The following LRCH4 variants were observed in gnomAD, a reference collection of about 807,000 sequenced individuals.
LRCH4 encodes the protein leucine-rich repeat and calponin homology domain-containing protein 4.
In LRCH4, 56 loss-of-function variants were observed where a neutral mutation model predicts 81.2. The ratio of observed to expected loss-of-function variants is 0.69; its 90% CI spans 0.56 to 0.86. The LOEUF is 0.86. LRCH4 is among the 40% of genes least tolerant of loss of function. The pLI is 0.00. For synonymous variants in LRCH4, 442 were observed against 409.7 expected (o/e 1.08, Z -0.95); for missense variants, 895 against 922.8 (o/e 0.97, Z 0.39).
Position 100,577,357 on chromosome 7 carries a change from C to A in LRCH4, c.1211G>T (p.Arg404Leu), listed in dbSNP as rs369763673. The A allele has an allele frequency of 3.1e-6, 5 of 1,599,314 alleles. No individual in the cohort carries two copies. Among genetic ancestry groups the A allele is most frequent in the South Asian group, 1.1e-5 (1 of 91,004 alleles). ...CTGCCACAGCTGCAAGGTGTCCGGGCGCCGCCGCTCCTCCCCTGCCGGCTC... is the reference window on the plus strand; with the variant it reads ...CTGCCACAGCTGCAAGGTGTCCGGGAGCCGCCGCTCCTCCCCTGCCGGCTC... ...REEPAGEERRRPDTLQLWQER... is the reference protein window; with the variant it reads ...REEPAGEERRLPDTLQLWQER... Residue 404 changes from arginine (R) to leucine (L), a missense_variant, in exon 11 of 18, where the codon CGC becomes CTC. Physicochemically the swap from Arg to Leu is moderately radical, Grantham distance 102. Coordinates refer to ENST00000310300, the MANE Select transcript of LRCH4 (RefSeq NM_002319.5). The surrounding 1 kb of genome is among the most constrained non-coding windows in gnomAD (Gnocchi z 6.7).
Position 100,575,310 on chromosome 7 carries a change from G to A in LRCH4, c.1855-6C>T, listed in dbSNP as rs1801312719. 2 of 1,536,242 alleles carry A rather than the reference G, an allele frequency of 1.3e-6. No homozygotes were observed. Among genetic ancestry groups the A allele is most frequent in the Non-Finnish European group, 1.8e-6 (2 of 1,136,898 alleles). On this transcript the variant is annotated splice_polypyrimidine_tract_variant and splice_region_variant and intron_variant, in intron 17 of 17. Transcript: ENST00000310300. This position sits in a 1 kb window ranked among gnomAD's most constrained non-coding sequence, Gnocchi z 5.3. Reference sequence around the variant, plus strand: ...GAGGGCGAGCACAGGTCAGCCTGGGGGAGAGGAGAGCAGGTGGACAAGGAC... The same window carrying A: ...GAGGGCGAGCACAGGTCAGCCTGGGAGAGAGGAGAGCAGGTGGACAAGGAC...
rs575701124 is a variant in LRCH4, at chr7:100,582,935, A to T, written c.221-476T>A. Among the ~76,000 whole-genome samples the T allele has an allele frequency of 2.6e-5, 4 of 152,104 alleles. No homozygotes were observed. The highest frequency in any genetic ancestry group is 9.6e-5 in the African/African-American group (4 of 41,464). On this transcript the variant is annotated intron_variant, in intron 1 of 17. Coordinates refer to ENST00000310300, the MANE Select transcript of LRCH4 (RefSeq NM_002319.5). The surrounding 1 kb of genome is among the most constrained non-coding windows in gnomAD (Gnocchi z 5.0). ...TCCCTCCTCGGGGCCCTTCTTCCCT[A>T]CTCCAGTGTGTTTTCAACACGGGAA...
At chr7:100,576,041 G>A (rs1205072134) in intron 15 of LRCH4, 33 bp from the exon 16 acceptor site, 1 of 1,580,992 alleles carries the variant, frequency 6.3e-7, no homozygotes, top group Non-Finnish European at 8.6e-7. Context: ...GCAGGGGTCA[G>A]GGAAGGAGAG....
rs574920929 is a variant in LRCH4 at position 100,577,097 on chromosome 7, T to G, written c.1353A>C (p.Gln451His). ...VVGGAAAVST[Q>H]AMHNGSPKSS... ...GGCAGGAAACCTACTTGTGCATGGC[T>G]TGAGTGGACACGGCGGCGGCCCCTC... is the stretch of plus-strand genomic sequence containing the variant. The change falls in exon 12 of 18, where the codon CAA becomes CAC. Residue 451 changes from glutamine (Q) to histidine (H), a missense_variant. By Grantham distance (24) the Gln-to-His change is conservative. Around this residue, in one of 3 missense-constraint regions of LRCH4, gnomAD observed 529 missense variants for 504.9 expected, o/e 1.05. Coordinates refer to ENST00000310300, the MANE Select transcript of LRCH4 (RefSeq NM_002319.5). This position sits in a 1 kb window ranked among gnomAD's most constrained non-coding sequence, Gnocchi z 6.7. 38 of 1,614,066 alleles carry G rather than the reference T, an allele frequency of 2.4e-5. No individual in the cohort carries two copies. In the East Asian group the frequency reaches 8.0e-4, roughly 34 times the overall value.
At chr7:100,585,844 A>C (rs777327227) in intron 1 of LRCH4, 37 bp downstream of exon 1, 2 of 1,523,050 alleles carry the variant, frequency 1.3e-6, no homozygotes, top group Non-Finnish European at 8.8e-7. Context: ...TATGCAAATG[A>C]GGGACCCGGT....
chr7:100,581,848 G>A lies in LRCH4; in HGVS notation c.527C>T (p.Ser176Leu), dbSNP rs577346930. Residue 176 changes from serine (S) to leucine (L), a missense_variant, in exon 4 of 18, where the codon TCG becomes TTG. By Grantham distance (145) the Ser-to-Leu change is moderately radical. Coordinates refer to ENST00000310300, the MANE Select transcript of LRCH4 (RefSeq NM_002319.5). The stretch of plus-strand genomic sequence containing the variant: ...CAGGGAAGAGAGGCCACACAGTTCC[G>A]AGGGCAGGGATTGGAGCTCGTTGCT... ...VSSNELQSLP[S>L]ELCGLSSLRD... The A allele has an allele frequency of 1.3e-5, 21 of 1,614,156 alleles. No individual in the cohort carries two copies. Among genetic ancestry groups the A allele is most frequent in the Admixed American group, 5.0e-5 (3 of 60,018 alleles).
chr7:100,584,827 C>T lies in LRCH4; in HGVS notation c.220+1054G>A, dbSNP rs116361372. 850 of 455,404 alleles carry T rather than the reference C, an allele frequency of 1.9e-3. 4 individuals are homozygous for T. Among genetic ancestry groups the T allele is most frequent in the African/African-American group, 0.016 (784 of 50,158 alleles). 28.2% of individuals were successfully genotyped at this position (455,404 alleles called of 1,614,324 possible). A position where few individuals can be genotyped will look rare whatever the true frequency, so the allele number is the denominator to read the frequency against. ...TTAGGGAGAAGTAAGCACTATCCTC[C>T]AGCTCTGGTCCCCCACCGTGCAGAT... On this transcript the variant is annotated intron_variant, in intron 1 of 17. Coordinates refer to ENST00000310300, the MANE Select transcript of LRCH4 (RefSeq NM_002319.5).
Position 100,578,872 on chromosome 7 carries a change from C to G in LRCH4, c.599-86G>C, listed in dbSNP as rs1358759043. 8 of 1,477,328 alleles carry G rather than the reference C, an allele frequency of 5.4e-6. No homozygotes were observed. Among genetic ancestry groups the G allele is most frequent in the Non-Finnish European group, 7.4e-6 (8 of 1,085,314 alleles). The allele number at this position is 1,477,328 out of a possible 1,614,324, so 91.5% of individuals were successfully genotyped here. ...CTCCCTCACCCTTGGCTCCAGCTGG[C>G]CAGTCACCCTGGGCCCAGCACAGCC... On this transcript the variant is annotated intron_variant, in intron 4 of 17. Transcript: ENST00000310300. The surrounding 1 kb of genome is among the most constrained non-coding windows in gnomAD (Gnocchi z 5.7).
At position 100,577,453 on chromosome 7, in the gene LRCH4, G is replaced by A. The variant is rs1341782900; in HGVS notation, c.1178+44C>T. On this transcript the variant is annotated intron_variant, in intron 10 of 17. Coordinates refer to ENST00000310300, the MANE Select transcript of LRCH4 (RefSeq NM_002319.5). The surrounding 1 kb of genome is among the most constrained non-coding windows in gnomAD (Gnocchi z 6.7). The stretch of plus-strand genomic sequence containing the variant: ...GGTCAGGGAAGGAGGCGGTTGGGGG[G>A]TGGGAGGATCGGGCAGTGGCGTCAG... The A allele has an allele frequency of 1.2e-6, 2 of 1,602,954 alleles. No individual in the cohort carries two copies. The highest frequency in any genetic ancestry group is 1.7e-5 in the Admixed American group (1 of 60,026).
chr7:100,575,280 G>A lies in LRCH4; in HGVS notation c.1879C>T (p.Leu627Phe). 1.3e-6 allele frequency: 2 copies of A among 1,563,524 alleles called. No homozygotes were observed. The highest frequency in any genetic ancestry group is 2.3e-5 in the South Asian group (2 of 86,448). ...PEADLCSPSDLLQGTARGLRT... is the reference protein window; with the variant it reads ...PEADLCSPSDFLQGTARGLRT... ...AGCCCCCGGGCAGTGCCCTGGAGGA[G>A]ATCCGAGGGCGAGCACAGGTCAGCC... is the stretch of plus-strand genomic sequence containing the variant. The change falls in exon 18 of 18, where the codon CTC (leucine) becomes TTC (phenylalanine). Residue 627 changes from leucine to phenylalanine, a missense_variant. Coordinates refer to ENST00000310300, the MANE Select transcript of LRCH4 (RefSeq NM_002319.5). The surrounding 1 kb of genome is among the most constrained non-coding windows in gnomAD (Gnocchi z 5.3).
At position 100,575,429 on chromosome 7, in the gene LRCH4, G is replaced by A. The variant is rs542302737; in HGVS notation, c.1855-125C>T. 2.5e-4 allele frequency: 241 copies of A among 968,228 alleles called. 8 individuals are homozygous for A. The South Asian group carries it at 3.2e-3, about 13-fold the overall frequency. 60.0% of individuals were successfully genotyped at this position (968,228 alleles called of 1,614,324 possible). On this transcript the variant is annotated intron_variant, in intron 17 of 17. Transcript: ENST00000310300. This position sits in a 1 kb window ranked among gnomAD's most constrained non-coding sequence, Gnocchi z 5.3. ...AACCACGCCCACATGCTGACGTGCT[G>A]GGCAGGGGGAGTGCAGTGCAGGAGG...
rs1436992966 is a variant in LRCH4 at position 100,578,654 on chromosome 7, G to A, written c.731C>T (p.Ala244Val). The change falls in exon 5 of 18, where the codon GCC (alanine) becomes GTC (valine). Residue 244 changes from alanine to valine, a missense_variant. Ala to Val is a moderately conservative substitution (Grantham distance 64). Transcript: ENST00000310300. This position sits in a 1 kb window ranked among gnomAD's most constrained non-coding sequence, Gnocchi z 5.7. ...LDSNPLQSPP[A>V]QVCLKGKLHI... ...CCCCCCAGGCACCCGCCTCACCTGG[G>A]CAGGTGGACTCTGCAGAGGGTTGCT... The A allele has an allele frequency of 3.1e-5, 50 of 1,613,626 alleles. No homozygotes were observed. The highest frequency in any genetic ancestry group is 4.1e-5 in the Non-Finnish European group (48 of 1,179,772).
At chr7:100,580,644 GAC>G (rs1801513182) in intron 4 of LRCH4, 1 of 149,798 alleles carries the variant, frequency 6.7e-6, no homozygotes, top group African/African-American at 2.5e-5. Flanking sequence ...GACACACACA[GAC>G]ACAAACACAC....
rs780784068 is a variant in LRCH4, at chr7:100,576,967, G to C, written c.1403C>G (p.Ala468Gly). Residue 468 changes from alanine (A) to glycine (G), a missense_variant, in exon 13 of 18, where the codon GCA (alanine) becomes GGA (glycine). Around this residue, in one of 3 missense-constraint regions of LRCH4, gnomAD observed 529 missense variants for 504.9 expected, o/e 1.05. Transcript: ENST00000310300. ...PKSSASQAGA[A>G]AGQGAPAPAP... ...AGGGGCGGGGGCTCCCTGCCCCGCT[G>C]CAGCCCCTGCTTGGGAGGCACTGGA... is the stretch of plus-strand genomic sequence containing the variant. 6.3e-7 allele frequency: 1 copy of C among 1,597,300 alleles called. No individual in the cohort carries two copies. Among genetic ancestry groups the C allele is most frequent in the Non-Finnish European group, 8.6e-7 (1 of 1,169,466 alleles).
At position 100,582,499 on chromosome 7, in the gene LRCH4, C is replaced by T; in HGVS notation, c.221-40G>A. 2 of 1,588,054 alleles carry T rather than the reference C, an allele frequency of 1.3e-6. No individual in the cohort carries two copies. Among genetic ancestry groups the T allele is most frequent in the Non-Finnish European group, 1.7e-6 (2 of 1,174,340 alleles). On this transcript the variant is annotated intron_variant, in intron 1 of 17. Coordinates refer to ENST00000310300, the MANE Select transcript of LRCH4 (RefSeq NM_002319.5). The surrounding 1 kb of genome is among the most constrained non-coding windows in gnomAD (Gnocchi z 5.0). ...GTGTCGGGGAGAGTTGCGGAAAGGC[C>T]CAGCCCGGACAGGACCTTCAGTCCC...
rs1452994805 is a variant in LRCH4, at chr7:100,582,396, C to T, written c.284G>A (p.Gly95Asp). 1.9e-6 allele frequency: 3 copies of T among 1,613,920 alleles called. No individual in the cohort carries two copies. Among genetic ancestry groups the T allele is most frequent in the East Asian group, 4.5e-5 (2 of 44,880 alleles). Residue 95 changes from glycine to aspartate, a missense_variant, in exon 2 of 18, where the codon GGC becomes GAC. Physicochemically the swap from Gly to Asp is moderately conservative, Grantham distance 94. Transcript: ENST00000310300. The surrounding 1 kb of genome is among the most constrained non-coding windows in gnomAD (Gnocchi z 5.0). ...EAACQLVSLE[G>D]LSLYHNCLRC... ...CAGGCAATTGTGGTAGAGGCTCAGG[C>T]CCTCCAGGGACACCAGCTGGCACGC... is the stretch of plus-strand genomic sequence containing the variant.
rs1801601815 is a variant in LRCH4 at position 100,582,771 on chromosome 7, G to A, written c.221-312C>T. 6.6e-6 allele frequency among the ~76,000 whole-genome samples: 1 copy of A among 152,214 alleles called. No homozygotes were observed. Among genetic ancestry groups the A allele is most frequent in the South Asian group, 2.1e-4 (1 of 4,834 alleles). ...GGAATCTCTAACTCCTGTGGTTCCT[G>A]TTCAGAGATGCCAGGTGAGGCGGAG... On this transcript the variant is annotated intron_variant, in intron 1 of 17. Transcript: ENST00000310300. The surrounding 1 kb of genome is among the most constrained non-coding windows in gnomAD (Gnocchi z 5.0).
intron 1 of LRCH4, among the ~76,000 whole-genome samples, chr7:100,585,506 A>G (rs181173462): frequency 2.8e-4 from 42 of 149,586 alleles, no homozygotes; most frequent in African/African-American, 1.0e-3. Flanking sequence ...GAGGGAGAGA[A>G]AGCAGTTATT....
chr7:100,578,811 G>A lies in LRCH4; in HGVS notation c.599-25C>T, dbSNP rs748498806. ...TCTGGAACAGGTGGGCAAGGGAAAA[G>A]TCAGGAACATGCTCAGGGCTGTGGC... is the stretch of plus-strand genomic sequence containing the variant. On this transcript the variant is annotated intron_variant, in intron 4 of 17. Coordinates refer to ENST00000310300, the MANE Select transcript of LRCH4 (RefSeq NM_002319.5). The surrounding 1 kb of genome is among the most constrained non-coding windows in gnomAD (Gnocchi z 5.7). 5 of 1,610,046 alleles carry A rather than the reference G, an allele frequency of 3.1e-6. No homozygotes were observed. The highest frequency in any genetic ancestry group is 4.2e-6 in the Non-Finnish European group (5 of 1,178,592).
Sources: gnomAD v4.1 joint callset for allele counts (sites outside exome capture counted in the v4.1 genomes callset) on GRCh38, gnomAD v4.1.1 for gene constraint, gnomAD v4.1.1 regional missense constraint, Gnocchi (gnomAD v3.1) non-coding constraint, MANE v1.5 for transcripts, NCBI Gene and HGNC (gene_info 2026-07-23, HGNC 2026-07-21) for gene names.